The following NUBPL variants were observed in gnomAD, a reference collection of about 807,000 sequenced individuals.
NUBPL encodes the protein NUBP iron-sulfur cluster assembly factor, mitochondrial.
A neutral mutation model predicts 45.7 loss-of-function variants in NUBPL; 31 were observed. The observed-to-expected ratio is 0.68, with a 90% CI of 0.51 to 0.92. The LOEUF is 0.92. Ranked by LOEUF, NUBPL falls within the 40% of genes least tolerant of loss-of-function variation. The pLI is 0.00. For missense variants in NUBPL, 401 were observed against 398.7 expected, an observed-to-expected ratio of 1.01 and a Z score of -0.05; for synonymous variants, 144 against 140.9, an observed-to-expected ratio of 1.02 and a Z score of -0.15.
intron 6 of NUBPL, among the ~76,000 whole-genome samples, chr14:31,719,781 A>G (rs2037768906): frequency 6.6e-6 from 1 of 152,194 alleles, no homozygotes; most frequent in East Asian, 1.9e-4. Context: ...GCCACTATTA[A>G]TTTTTTGGCA....
In NUBPL at chr14:31,564,702, A is replaced by G. The variant is rs141536374; in HGVS notation, c.257-312A>G. Among the ~76,000 whole-genome samples, 313 of 152,078 alleles carry G rather than the reference A, an allele frequency of 2.1e-3. 1 individual carries two copies. Among genetic ancestry groups the G allele is most frequent in the African/African-American group, 7.2e-3 (299 of 41,566 alleles). ...TGAATTATATATTAACATGATTTTA[A>G]AAAATTAAGTGGATTATTTGAACAA... is the stretch of plus-strand genomic sequence containing the variant. On this transcript the variant is annotated intron_variant, in intron 2 of 10. Coordinates refer to ENST00000281081, the MANE Select transcript of NUBPL (RefSeq NM_025152.3).
chr14:31,719,412 C>T (rs927776671), intron 6 of NUBPL, among the ~76,000 whole-genome samples: 1 of 151,384 alleles, frequency 6.6e-6, no homozygotes, highest in Non-Finnish European at 1.5e-5. Context: ...ATAAGTCATA[C>T]AGGTTAAGAC....
chr14:31,702,385 A>G (rs1363054588), intron 6 of NUBPL, among the ~76,000 whole-genome samples: 1 of 152,164 alleles, frequency 6.6e-6, no homozygotes, highest in Non-Finnish European at 1.5e-5. Flanking sequence ...CCCTCCAGTC[A>G]TGACCCAAAG....
chr14:31,855,868 G>C (rs976028273), intron 10 of NUBPL, among the ~76,000 whole-genome samples: 3 of 152,086 alleles, frequency 2.0e-5, no homozygotes, highest in African/African-American at 7.2e-5. Context: ...TAATGTTTTT[G>C]ACAAAATTAT....
rs532721629 is a variant in NUBPL, at chr14:31,665,296, T to C, written c.383-8059T>C. ...AATTTGTTTGCTCTTGCTTCTCTAG[T>C]TCTTTTAATTGTGATGTTAAGGTGT... On this transcript the variant is annotated intron_variant, in intron 4 of 10. Coordinates refer to ENST00000281081, the MANE Select transcript of NUBPL (RefSeq NM_025152.3). Among the ~76,000 whole-genome samples the C allele has an allele frequency of 2.4e-4, 37 of 152,316 alleles. 1 individual carries two copies. In the South Asian group the frequency reaches 4.1e-3, roughly 17 times the overall value.
chr14:31,766,809 C>T (rs536067726), intron 6 of NUBPL, among the ~76,000 whole-genome samples: 38 of 152,184 alleles, frequency 2.5e-4, no homozygotes, highest in Admixed American at 4.6e-4. Flanking sequence ...ACAGGAAGAC[C>T]GAAGACCCCC....
At chr14:31,639,359 T>C (rs1390664762) in intron 4 of NUBPL, among the ~76,000 whole-genome samples, 1 of 152,192 alleles carries the variant, frequency 6.6e-6, no homozygotes, top group African/African-American at 2.4e-5. Flanking sequence ...CCAGACTCTG[T>C]TTGCCTGGAT....
At chr14:31,781,282 T>C (rs1383585925) in intron 6 of NUBPL, among the ~76,000 whole-genome samples, 1 of 152,226 alleles carries the variant, frequency 6.6e-6, no homozygotes, top group Non-Finnish European at 1.5e-5. Flanking sequence ...TCCTAAGCAA[T>C]CTTTGTTTCC....
intron 6 of NUBPL, among the ~76,000 whole-genome samples, chr14:31,675,073 C>G (rs990922317): frequency 5.3e-5 from 8 of 150,696 alleles, no homozygotes; most frequent in Non-Finnish European, 1.0e-4. Context: ...GGAGGCGGAG[C>G]TTGCAGTGAG....
At chr14:31,650,595 A>G (rs752215173) in intron 4 of NUBPL, among the ~76,000 whole-genome samples, 28 of 152,052 alleles carry the variant, frequency 1.8e-4, no homozygotes, top group Non-Finnish European at 1.0e-4. Flanking sequence ...GGCCCCAGGA[A>G]TGGCTTTCAT....
At chr14:31,639,711 C>T (rs1175742469) in intron 4 of NUBPL, among the ~76,000 whole-genome samples, 1 of 152,204 alleles carries the variant, frequency 6.6e-6, no homozygotes, top group Non-Finnish European at 1.5e-5. Flanking sequence ...GCAGGCAGGC[C>T]TCCTTGAGCT....
At chr14:31,812,050 G>T (rs2039816254) in intron 7 of NUBPL, among the ~76,000 whole-genome samples, 1 of 152,322 alleles carries the variant, frequency 6.6e-6, no homozygotes, top group South Asian at 2.1e-4. Flanking sequence ...TGAGGTGTCA[G>T]TCGGCCCCTA....
intron 3 of NUBPL, among the ~76,000 whole-genome samples, chr14:31,591,183 T>C (rs79189222): frequency 0.047 from 7,215 of 152,250 alleles, 215 homozygotes; most frequent in Admixed American, 0.066. Context: ...ATTTAGACAA[T>C]GTACTTTATC....
intron 4 of NUBPL, among the ~76,000 whole-genome samples, chr14:31,666,001 G>T (rs2036400864): frequency 6.6e-6 from 1 of 151,098 alleles, no homozygotes; most frequent in Non-Finnish European, 1.5e-5. Flanking sequence ...TGTCTTTTTT[G>T]ATCTTTGTTG....
chr14:31,619,942 T>C (rs2035015295), intron 4 of NUBPL, among the ~76,000 whole-genome samples: 1 of 152,108 alleles, frequency 6.6e-6, no homozygotes, highest in African/African-American at 2.4e-5. Context: ...ATTTGGCCTA[T>C]TTACATAGTC....
intron 6 of NUBPL, among the ~76,000 whole-genome samples, chr14:31,712,850 C>T (rs2037607669): frequency 1.3e-5 from 2 of 152,152 alleles, no homozygotes; most frequent in Admixed American, 6.5e-5. Context: ...CCTTGACCAA[C>T]TAAAATTGGG....
chr14:31,821,048 T>A lies in NUBPL; in HGVS notation c.608-5581T>A, dbSNP rs561370576. On this transcript the variant is annotated intron_variant, in intron 7 of 10. Coordinates refer to ENST00000281081, the MANE Select transcript of NUBPL (RefSeq NM_025152.3). ...TGAGACAGAAGAATTGCTTGAACCC[T>A]GGAGGCGGAGGTTGCGGTGAGCTGA... is the stretch of plus-strand genomic sequence containing the variant. Among the ~76,000 whole-genome samples, 5 of 150,072 alleles carry A rather than the reference T, an allele frequency of 3.3e-5. No homozygotes were observed. The East Asian group carries it at 7.9e-4, about 24-fold the overall frequency.
chr14:31,564,960 A>T (rs2033397472), intron 2 of NUBPL, 54 bp from the exon 3 acceptor site: 1 of 935,258 alleles, frequency 1.1e-6, no homozygotes, highest in Non-Finnish European at 1.7e-6. Context: ...AGATAAAATG[A>T]ATTTTAATAG....
At chr14:31,790,370 A>G (rs1170188058) in intron 7 of NUBPL, among the ~76,000 whole-genome samples, 1 of 152,216 alleles carries the variant, frequency 6.6e-6, no homozygotes, top group African/African-American at 2.4e-5. Flanking sequence ...CCTCTGATGA[A>G]GAGTCTGCCA....
Sources: gnomAD v4.1 joint callset for allele counts (sites outside exome capture counted in the v4.1 genomes callset) on GRCh38, gnomAD v4.1.1 for gene constraint, MANE v1.5 for transcripts, NCBI Gene and HGNC (gene_info 2026-07-23, HGNC 2026-07-21) for gene names.